CYFIP2: variants seen among roughly 807,000 people sequenced by gnomAD.
CYFIP2 encodes the protein cytoplasmic FMR1 interacting protein 2.
Under a neutral mutation model 158.7 loss-of-function variants are expected in CYFIP2, and 29 were observed. That is an observed-to-expected ratio of 0.18 (90% CI 0.14 to 0.25). CYFIP2 has a LOEUF of 0.25. Among genes scored for constraint, CYFIP2 ranks in the 10% least tolerant of loss-of-function variants. CYFIP2 has a pLI of 1.00. For synonymous variants in CYFIP2, 585 were observed against 617.6 expected (o/e 0.95, Z 0.78); for missense variants, 852 against 1,639.5 (o/e 0.52, Z 8.29).
rs894573901 is a variant in CYFIP2, at chr5:157,395,164, G to T, written c.*2164G>T. On this transcript the variant is annotated 3_prime_UTR_variant, in exon 31 of 31. Coordinates refer to ENST00000620254, the MANE Select transcript of CYFIP2 (RefSeq NM_001037333.3). ...GGAGACTTGATCCCAGTAGACTGAG[G>T]TCTTCCCTTTCAGCAGAAAGATTTC... 2.3e-5 allele frequency: 5 copies of T among 215,390 alleles called. No individual in the cohort carries two copies. Among genetic ancestry groups the T allele is most frequent in the Non-Finnish European group, 4.6e-5 (5 of 109,532 alleles). 13.3% of individuals were successfully genotyped at this position (215,390 alleles called of 1,614,324 possible).
chr5:157,337,949 G>A (rs921263522), intron 21 of CYFIP2, among the ~76,000 whole-genome samples: 1 of 152,214 alleles, frequency 6.6e-6, no homozygotes, highest in Middle Eastern at 3.2e-3. Context: ...CCTTGGGCAA[G>A]TTACTTAACC....
At chr5:157,314,895 T>C (rs947161373) in intron 12 of CYFIP2, 74 bp from the exon 13 acceptor site, 48 of 1,181,210 alleles carry the variant, frequency 4.1e-5, no homozygotes, top group Non-Finnish European at 4.9e-5. Context: ...TAATATTCCA[T>C]TGCATGGATC....
rs552794462 is a variant in CYFIP2, at chr5:157,321,900, G to A, written c.1671+1098G>A. Among the ~76,000 whole-genome samples, 18 of 152,318 alleles carry A rather than the reference G, an allele frequency of 1.2e-4. No individual in the cohort carries two copies. In the East Asian group the frequency reaches 2.3e-3, roughly 20 times the overall value. ...TGTGTAATATCAAGGGTTGAGGTCC[G>A]GGAGACACTGAGCAGGGCTTTCAAG... On this transcript the variant is annotated intron_variant, in intron 15 of 30. Coordinates refer to ENST00000620254, the MANE Select transcript of CYFIP2 (RefSeq NM_001037333.3).
intron 15 of CYFIP2, chr5:157,323,068 C>T: frequency 6.7e-7 from 1 of 1,486,038 alleles, no homozygotes; most frequent in Non-Finnish European, 9.1e-7. Flanking sequence ...GAGGAGGCAG[C>T]AGGAATGGAC....
chr5:157,394,850 A>G lies in CYFIP2; in HGVS notation c.*1850A>G, dbSNP rs986887501. 1.3e-5 allele frequency: 2 copies of G among 152,254 alleles called. No homozygotes were observed. Among genetic ancestry groups the G allele is most frequent in the African/African-American group, 4.8e-5 (2 of 41,446 alleles). 9.4% of individuals were successfully genotyped at this position (152,254 alleles called of 1,614,324 possible). A position where few individuals can be genotyped will look rare whatever the true frequency, so the allele number is the denominator to read the frequency against. On this transcript the variant is annotated 3_prime_UTR_variant, in exon 31 of 31. Coordinates refer to ENST00000620254, the MANE Select transcript of CYFIP2 (RefSeq NM_001037333.3). ...GACTTTTCCTTCTTGATGACCATAG[A>G]TGTGTTCCAGAGGCAAAAGAGACAC... is the stretch of plus-strand genomic sequence containing the variant.
chr5:157,328,340 C>T (rs538639856), intron 19 of CYFIP2, among the ~76,000 whole-genome samples: 4 of 152,266 alleles, frequency 2.6e-5, no homozygotes, highest in Admixed American at 6.5e-5. Context: ...TGGGAATGTA[C>T]GATGGTTAAA....
At position 157,280,262 on chromosome 5, in the gene CYFIP2, T is replaced by G. The variant is rs567853603; in HGVS notation, c.-23-5077T>G. Among the ~76,000 whole-genome samples, 66 of 152,246 alleles carry G rather than the reference T, an allele frequency of 4.3e-4. No individual in the cohort carries two copies. In the South Asian group the frequency reaches 0.013, roughly 31 times the overall value. On this transcript the variant is annotated intron_variant, in intron 1 of 30. Coordinates refer to ENST00000620254, the MANE Select transcript of CYFIP2 (RefSeq NM_001037333.3). ...CCCAGGCTGGAGTGCAATGGCATGA[T>G]CTTGGCTCACTGCAACCTCTGCCTC... is the stretch of plus-strand genomic sequence containing the variant.
At chr5:157,377,247 A>G (rs1012702145) in intron 26 of CYFIP2, among the ~76,000 whole-genome samples, 1 of 152,000 alleles carries the variant, frequency 6.6e-6, no homozygotes, top group Admixed American at 6.6e-5. Context: ...GGCTTAGAAG[A>G]TTCTTCCCAA....
chr5:157,332,981 G>A (rs1761590007), intron 20 of CYFIP2, among the ~76,000 whole-genome samples: 1 of 152,084 alleles, frequency 6.6e-6, no homozygotes, highest in Non-Finnish European at 1.5e-5. Flanking sequence ...CTGTTTAAAG[G>A]GTAGGTAAAG....
At chr5:157,343,096 G>C (rs773523721) in intron 23 of CYFIP2, 12 of 1,614,196 alleles carry the variant, frequency 7.4e-6, no homozygotes, top group Non-Finnish European at 1.0e-5. Flanking sequence ...GGCCAGCCCT[G>C]TAAGACCATC....
At chr5:157,362,708 C>T (rs1164459133) in intron 26 of CYFIP2, 2 of 152,202 alleles carry the variant, frequency 1.3e-5, no homozygotes, top group Admixed American at 6.6e-5. Context: ...ATATTTACAC[C>T]GAAATCATGT....
Position 157,333,507 on chromosome 5 carries a change from T to C in CYFIP2, c.2385+61T>C, listed in dbSNP as rs1049936031. 8 of 1,611,764 alleles carry C rather than the reference T, an allele frequency of 5.0e-6. No homozygotes were observed. In the Admixed American group the frequency reaches 5.0e-5, roughly 10 times the overall value. ...TGATTTCTCAGACTAGAAGCCTAGA[T>C]GGGGACTGTAGTTAGTCTAGTGCTG... On this transcript the variant is annotated intron_variant, in intron 21 of 30. Transcript: ENST00000620254.
intron 24 of CYFIP2, among the ~76,000 whole-genome samples, chr5:157,359,915 C>G (rs1224441668): frequency 6.6e-6 from 1 of 152,192 alleles, no homozygotes; most frequent in African/African-American, 2.4e-5. Context: ...AGATGTCTGC[C>G]TTGGGCACAG....
chr5:157,328,173 C>T lies in CYFIP2; in HGVS notation c.2156+124C>T, dbSNP rs1761173061. 5.6e-6 allele frequency: 5 copies of T among 892,656 alleles called. No homozygotes were observed. In the East Asian group the frequency reaches 1.4e-4, roughly 24 times the overall value. The allele number at this position is 892,656 out of a possible 1,614,324, so 55.3% of individuals were successfully genotyped here. On this transcript the variant is annotated intron_variant, in intron 19 of 30. Transcript: ENST00000620254. ...AGGAAAACAGAGCCATTCCACGGAC[C>T]CGGACTGGGTGCTGAGATAGAGTGG...
chr5:157,342,852 C>T (rs1414463406), intron 23 of CYFIP2: 8 of 1,603,468 alleles, frequency 5.0e-6, no homozygotes, highest in Non-Finnish European at 6.8e-6. Flanking sequence ...GGGCGCTCTC[C>T]TCCCCACTCT....
chr5:157,391,833 C>CT (rs58444833), intron 30 of CYFIP2, among the ~76,000 whole-genome samples: 1 of 151,758 alleles, frequency 6.6e-6, no homozygotes, highest in East Asian at 1.9e-4. Context: ...CTATGTTTAA[C>CT]TTTTTAGAAA....
chr5:157,329,002 G>A (rs1342928950), intron 19 of CYFIP2, among the ~76,000 whole-genome samples: 1 of 152,164 alleles, frequency 6.6e-6, no homozygotes, highest in Admixed American at 6.5e-5. Flanking sequence ...ATACCAACCA[G>A]TAATTTCAAG....
chr5:157,315,991 G>T, intron 13 of CYFIP2, among the ~76,000 whole-genome samples: 1 of 152,196 alleles, frequency 6.6e-6, no homozygotes, highest in South Asian at 2.1e-4. Context: ...TCAGGAGGCT[G>T]AGGCAGGAGA....
chr5:157,268,344 GTT>G (rs1310151091), intron 1 of CYFIP2, among the ~76,000 whole-genome samples: 1 of 152,204 alleles, frequency 6.6e-6, no homozygotes, highest in Non-Finnish European at 1.5e-5. Context: ...GGGTTGGAGA[GTT>G]TTACTCAAAT....
Sources: allele counts gnomAD v4.1 joint callset (sites outside exome capture counted in the v4.1 genomes callset), GRCh38; gene constraint gnomAD v4.1.1; transcripts MANE v1.5; gene names NCBI Gene and HGNC (gene_info 2026-07-23, HGNC 2026-07-21).